Variants in ZEB1 observed in about 807,000 individuals in gnomAD.
The protein encoded by ZEB1 is zinc finger E-box binding homeobox 1.
A neutral mutation model predicts 84.9 loss-of-function variants in ZEB1; 21 were observed. That is an observed-to-expected ratio of 0.25 (90% CI 0.18 to 0.36). The LOEUF is 0.36. Ranked by LOEUF, ZEB1 falls within the 10% of genes least tolerant of loss-of-function variation. The pLI is 1.00. For synonymous variants in ZEB1, 420 were observed against 471.1 expected (o/e 0.89, Z 1.41); for missense variants, 1,104 against 1,330.2 (o/e 0.83, Z 2.65).
At chr10:31,452,997 A>T (rs2060790734) in intron 1 of ZEB1, among the ~76,000 whole-genome samples, 1 of 152,150 alleles carries the variant, frequency 6.6e-6, no homozygotes, top group Admixed American at 6.6e-5. Context: ...TTCTTAAATT[A>T]TGACAATATG....
chr10:31,319,490 C>G lies in ZEB1; in HGVS notation c.58+198C>G, dbSNP rs1282802169. The G allele has an allele frequency of 4.9e-6, 3 of 611,394 alleles. No individual in the cohort carries two copies. In the East Asian group the frequency reaches 8.4e-5, roughly 17 times the overall value. 37.9% of individuals were successfully genotyped at this position (611,394 alleles called of 1,614,324 possible). ...CGGAGCCGCGCCGCGGCCGCTCGCT[C>G]TCCCTGAACCGTTATGTCTCTTACC... On this transcript the variant is annotated intron_variant, in intron 1 of 8. Coordinates refer to ENST00000424869, the MANE Select transcript of ZEB1 (RefSeq NM_001174096.2).
At chr10:31,347,632 A>G (rs1397482386) in intron 1 of ZEB1, among the ~76,000 whole-genome samples, 1 of 152,224 alleles carries the variant, frequency 6.6e-6, no homozygotes, top group Non-Finnish European at 1.5e-5. Context: ...ACTTTCATAA[A>G]CCTTTAACAT....
At chr10:31,356,352 G>GTA (rs3057777) in intron 1 of ZEB1, among the ~76,000 whole-genome samples, 14,462 of 146,818 alleles carry the variant, frequency 0.099, 1,635 homozygotes, top group African/African-American at 0.27. Context: ...TATATGATGT[G>GTA]TATATATATA....
intron 1 of ZEB1, among the ~76,000 whole-genome samples, chr10:31,446,348 C>T (rs1372368483): frequency 1.3e-5 from 2 of 151,864 alleles, no homozygotes; most frequent in Non-Finnish European, 2.9e-5. Flanking sequence ...TTTTGTTGAT[C>T]CTTTCAAAAA....
At chr10:31,477,738 A>G (rs1333550891) in intron 2 of ZEB1, among the ~76,000 whole-genome samples, 1 of 152,026 alleles carries the variant, frequency 6.6e-6, no homozygotes, top group African/African-American at 2.4e-5. Context: ...CTTTCAGCAG[A>G]TTCAACAAAA....
At chr10:31,420,407 T>G (rs926487909) in intron 1 of ZEB1, among the ~76,000 whole-genome samples, 2 of 152,132 alleles carry the variant, frequency 1.3e-5, no homozygotes, top group African/African-American at 4.8e-5. Context: ...TGACAGAATT[T>G]GTTCCCTTGT....
At chr10:31,391,176 T>A (rs1033352796) in intron 1 of ZEB1, among the ~76,000 whole-genome samples, 3 of 151,524 alleles carry the variant, frequency 2.0e-5, no homozygotes, top group Non-Finnish European at 4.4e-5. Context: ...CCCAAGAGTG[T>A]GGGGATGTTT....
chr10:31,419,247 T>C (rs2055737041), intron 1 of ZEB1, among the ~76,000 whole-genome samples: 1 of 151,988 alleles, frequency 6.6e-6, no homozygotes, highest in Non-Finnish European at 1.5e-5. Flanking sequence ...TAGACAGTGG[T>C]GTAGGCAGAG....
At chr10:31,478,140 A>G (rs369375287) in intron 2 of ZEB1, among the ~76,000 whole-genome samples, 187 of 152,142 alleles carry the variant, frequency 1.2e-3, no homozygotes, top group African/African-American at 4.4e-3. Flanking sequence ...AGAATCTACA[A>G]TGAACCCAAA....
At chr10:31,387,779 G>A in intron 1 of ZEB1, 2 of 984,696 alleles carry the variant, frequency 2.0e-6, no homozygotes, top group Non-Finnish European at 1.2e-6. Context: ...TGGAAGCAAA[G>A]GTCATCTAAT....
At chr10:31,375,770 T>C (rs1312379677) in intron 1 of ZEB1, among the ~76,000 whole-genome samples, 1 of 151,750 alleles carries the variant, frequency 6.6e-6, no homozygotes, top group African/African-American at 2.4e-5. Flanking sequence ...TGAGAAAAAT[T>C]TAAATAAAAG....
intron 1 of ZEB1, among the ~76,000 whole-genome samples, chr10:31,377,332 A>G (rs2046822929): frequency 6.6e-6 from 1 of 151,756 alleles, no homozygotes; most frequent in Admixed American, 6.6e-5. Flanking sequence ...TACTTAAAGC[A>G]CAAAATGTGA....
At chr10:31,485,752 TATTC>T (rs532438286) in intron 2 of ZEB1, among the ~76,000 whole-genome samples, 103 of 151,644 alleles carry the variant, frequency 6.8e-4, no homozygotes, top group Non-Finnish European at 1.3e-3. Flanking sequence ...ATTGACTTGA[TATTC>T]ATTTATTTGA....
chr10:31,517,973 G>A (rs2071478310), intron 6 of ZEB1, among the ~76,000 whole-genome samples: 2 of 152,108 alleles, frequency 1.3e-5, no homozygotes, highest in South Asian at 4.1e-4. Flanking sequence ...GGGCTGTGAT[G>A]TAGTCATCCT....
At chr10:31,379,851 C>T (rs911349932) in intron 1 of ZEB1, among the ~76,000 whole-genome samples, 2 of 152,124 alleles carry the variant, frequency 1.3e-5, no homozygotes, top group Non-Finnish European at 2.9e-5. Flanking sequence ...TTTTCCTCAA[C>T]TATTTTTAAA....
At chr10:31,423,034 G>T (rs140523320) in intron 1 of ZEB1, among the ~76,000 whole-genome samples, 2 of 151,786 alleles carry the variant, frequency 1.3e-5, no homozygotes, top group African/African-American at 4.8e-5. Context: ...GCATTTCATG[G>T]TGTGTGTGTA....
intron 1 of ZEB1, among the ~76,000 whole-genome samples, chr10:31,451,176 T>C (rs903239403): frequency 2.6e-5 from 4 of 152,206 alleles, no homozygotes. Flanking sequence ...GATAATTATT[T>C]ACATTTTCCT....
chr10:31,444,957 C>T (rs963625674), intron 1 of ZEB1, among the ~76,000 whole-genome samples: 6 of 151,978 alleles, frequency 3.9e-5, no homozygotes, highest in Admixed American at 3.9e-4. Flanking sequence ...TGAAGAAAGT[C>T]ATTGGTAGCT....
chr10:31,330,851 T>A (rs1049037935), intron 1 of ZEB1, among the ~76,000 whole-genome samples: 1 of 152,004 alleles, frequency 6.6e-6, no homozygotes, highest in African/African-American at 2.4e-5. Context: ...TCTGTTTTAT[T>A]TTATCACCTA....
Sources: gnomAD v4.1 joint callset for allele counts (sites outside exome capture counted in the v4.1 genomes callset) on GRCh38, gnomAD v4.1.1 for gene constraint, MANE v1.5 for transcripts, NCBI Gene and HGNC (gene_info 2026-07-23, HGNC 2026-07-21) for gene names.